The following MAPK8IP3 variants were observed in gnomAD, a reference collection of about 807,000 sequenced individuals.
The protein encoded by MAPK8IP3 is mitogen-activated protein kinase 8 interacting protein 3.
Under a neutral mutation model 157.8 loss-of-function variants are expected in MAPK8IP3, and 49 were observed. The observed-to-expected ratio is 0.31, with a 90% CI of 0.25 to 0.39. MAPK8IP3 has a LOEUF of 0.39. Among genes scored for constraint, MAPK8IP3 ranks in the 10% least tolerant of loss-of-function variants. The pLI is 1.00. For missense variants in MAPK8IP3, 1,478 were observed against 1,889.4 expected (o/e 0.78, Z 4.04); for synonymous variants, 897 against 777.7 (o/e 1.15, Z -2.55).
chr16:1,719,324 G>T (rs928896752), intron 1 of MAPK8IP3, among the ~76,000 whole-genome samples: 10 of 151,988 alleles, frequency 6.6e-5, no homozygotes, highest in African/African-American at 2.4e-4. Flanking sequence ...AAGGGACAGA[G>T]ACCTGGTGCT....
intron 1 of MAPK8IP3, among the ~76,000 whole-genome samples, chr16:1,723,767 T>TA (rs2038690964): frequency 6.6e-6 from 1 of 152,228 alleles, no homozygotes; most frequent in South Asian, 2.1e-4. Flanking sequence ...GAACTACACT[T>TA]ATGGCATCGA....
Position 1,747,116 on chromosome 16 carries a change from T to G in MAPK8IP3, c.835T>G (p.Ser279Ala). 6.2e-7 allele frequency: 1 copy of G among 1,613,800 alleles called. No individual in the cohort carries two copies. Among genetic ancestry groups the G allele is most frequent in the East Asian group, 2.2e-5 (1 of 44,860 alleles). Residue 279 changes from serine (S) to alanine (A), a missense_variant, in exon 6 of 32, where the codon TCC (serine) becomes GCC (alanine). By Grantham distance (99) the Ser-to-Ala change is moderately conservative. Transcript: ENST00000610761. Reference protein sequence around the residue: ...TTGTKSNTPTSSVPSAAVTPL... With the variant: ...TTGTKSNTPTASVPSAAVTPL... ...AGGCACCAAGTCCAACACGCCCACA[T>G]CCTCCGTGCCCTCGGCCGCCGTCAC...
intron 4 of MAPK8IP3, among the ~76,000 whole-genome samples, chr16:1,736,974 GTCCGTGTGAGCA>G (rs1230179939): frequency 1.3e-5 from 1 of 78,054 alleles, no homozygotes; most frequent in Non-Finnish European, 2.5e-5. Flanking sequence ...CCGTGTGACC[GTCCGTGTGAGCA>G]TCCGTGTGAG....
At chr16:1,746,750 T>G in intron 5 of MAPK8IP3, 1 of 477,378 alleles carries the variant, frequency 2.1e-6, no homozygotes, top group Admixed American at 3.6e-5. Flanking sequence ...AGCAATCGTC[T>G]GGGGAGGGCA....
At chr16:1,711,969 A>G (rs2037806807) in intron 1 of MAPK8IP3, among the ~76,000 whole-genome samples, 1 of 149,734 alleles carries the variant, frequency 6.7e-6, no homozygotes, top group Admixed American at 6.6e-5. Context: ...AAAAAAAAAG[A>G]AAACTGAGGT....
Position 1,768,598 on chromosome 16 carries a change from C to T in MAPK8IP3, c.3864C>T (p.Gly1288=), listed in dbSNP as rs777245414. The change falls in exon 31 of 32, where the codon GGC becomes GGT. Residue 1288 remains glycine (G), a synonymous_variant. Transcript: ENST00000610761. ...TGCGGAACGTGCTGGTGCTGAGCGGCGGGGAGGGCTACATCGACTTCCGCA... is the reference window on the plus strand; with the variant it reads ...TGCGGAACGTGCTGGTGCTGAGCGGTGGGGAGGGCTACATCGACTTCCGCA... ...QKLRNVLVLS[G]GEGYIDFRIG... 3.5e-5 allele frequency: 55 copies of T among 1,589,136 alleles called. No individual in the cohort carries two copies. Among genetic ancestry groups the T allele is most frequent in the East Asian group, 6.8e-5 (3 of 43,968 alleles).
chr16:1,731,080 C>T (rs995050063), intron 4 of MAPK8IP3, among the ~76,000 whole-genome samples: 7 of 152,104 alleles, frequency 4.6e-5, no homozygotes, highest in African/African-American at 1.7e-4. Flanking sequence ...GCGGAGACTG[C>T]AGTGAGCTGA....
chr16:1,729,188 C>T lies in MAPK8IP3; in HGVS notation c.490C>T (p.Leu164=). Residue 164 remains leucine, a synonymous_variant, in exon 3 of 32, where the codon CTG becomes TTG. Coordinates refer to ENST00000610761, the MANE Select transcript of MAPK8IP3 (RefSeq NM_001318852.2). The part of the protein sequence containing the change: ...ESEMKKEYNA[L]HQRHTEMIQT... ...GGAGATGAAGAAGGAGTACAATGCC[C>T]TGCACCAGCGGCACACAGAGGTGGG... is the stretch of plus-strand genomic sequence containing the variant. 1.2e-6 allele frequency: 2 copies of T among 1,614,018 alleles called. No individual in the cohort carries two copies. The highest frequency in any genetic ancestry group is 1.7e-6 in the Non-Finnish European group (2 of 1,180,028).
At chr16:1,732,885 C>T (rs1036554692) in intron 4 of MAPK8IP3, among the ~76,000 whole-genome samples, 5 of 152,128 alleles carry the variant, frequency 3.3e-5, no homozygotes, top group African/African-American at 1.2e-4. Context: ...CCTGGAGCAC[C>T]ATGAGAACTA....
intron 1 of MAPK8IP3, among the ~76,000 whole-genome samples, chr16:1,722,592 C>T (rs1448964835): frequency 6.6e-6 from 1 of 152,032 alleles, no homozygotes; most frequent in Admixed American, 6.6e-5. Context: ...AGGCTGGGTG[C>T]AGTCGCTCAG....
intron 19 of MAPK8IP3, among the ~76,000 whole-genome samples, chr16:1,764,661 C>A (rs74002444): frequency 6.6e-6 from 1 of 152,186 alleles, no homozygotes; most frequent in Non-Finnish European, 1.5e-5. Flanking sequence ...TTTCACCCCC[C>A]AGGTGGCCTG....
chr16:1,766,892 T>C lies in MAPK8IP3; in HGVS notation c.3021-12T>C. 1 of 1,606,154 alleles carries C rather than the reference T, an allele frequency of 6.2e-7. No homozygotes were observed. The highest frequency in any genetic ancestry group is 8.5e-7 in the Non-Finnish European group (1 of 1,175,524). On this transcript the variant is annotated splice_polypyrimidine_tract_variant and intron_variant, in intron 24 of 31. Coordinates refer to ENST00000610761, the MANE Select transcript of MAPK8IP3 (RefSeq NM_001318852.2). ...CCTGGCCCAAACCAGGCTCACCGCA[T>C]TCCTGTTTCAGGCATGTCAAAGGCC... is the stretch of plus-strand genomic sequence containing the variant.
chr16:1,764,876 C>T (rs2141943158), intron 19 of MAPK8IP3, 137 bp from the exon 20 acceptor site: 1 of 820,188 alleles, frequency 1.2e-6, no homozygotes, highest in East Asian at 2.7e-5. Context: ...TGTTCTGGTC[C>T]TGGGGGAGGA....
chr16:1,743,825 C>A lies in MAPK8IP3; in HGVS notation c.747+349C>A. On this transcript the variant is annotated intron_variant, in intron 5 of 31. Transcript: ENST00000610761. The surrounding 1 kb of genome is among the most constrained non-coding windows in gnomAD (Gnocchi z 5.6). The stretch of plus-strand genomic sequence containing the variant: ...CAAACCACACCCCCACATAAAGCCT[C>A]ATGCTCACCCGGGCTCCAGCCAGAC... The A allele has an allele frequency of 8.6e-7, 1 of 1,159,776 alleles. No homozygotes were observed. Among genetic ancestry groups the A allele is most frequent in the Non-Finnish European group, 1.1e-6 (1 of 938,168 alleles). 71.8% of individuals were successfully genotyped at this position (1,159,776 alleles called of 1,614,324 possible).
intron 1 of MAPK8IP3, among the ~76,000 whole-genome samples, chr16:1,722,153 TC>T (rs1458013842): frequency 2.0e-5 from 3 of 152,230 alleles, no homozygotes; most frequent in African/African-American, 7.2e-5. Context: ...TAATTCAAAA[TC>T]ACTTATTTTT....
In MAPK8IP3 at chr16:1,768,192, C is replaced by T. The variant is rs745898066; in HGVS notation, c.3563-7C>T. The T allele has an allele frequency of 3.7e-6, 6 of 1,611,888 alleles. No homozygotes were observed. The highest frequency in any genetic ancestry group is 5.1e-6 in the Non-Finnish European group (6 of 1,179,598). Reference sequence around the variant, plus strand: ...GGGCTCAGCGCCTCTGGGTTCTCTCCCTGCAGCCAATAAGACATCCCCCAC... The same window carrying T: ...GGGCTCAGCGCCTCTGGGTTCTCTCTCTGCAGCCAATAAGACATCCCCCAC... On this transcript the variant is annotated splice_region_variant and splice_polypyrimidine_tract_variant and intron_variant, in intron 29 of 31. Coordinates refer to ENST00000610761, the MANE Select transcript of MAPK8IP3 (RefSeq NM_001318852.2).
chr16:1,764,585 G>A lies in MAPK8IP3; in HGVS notation c.2280+126G>A, dbSNP rs2042148078. 6 of 1,321,774 alleles carry A rather than the reference G, an allele frequency of 4.5e-6. No homozygotes were observed. In the East Asian group the frequency reaches 1.5e-4, roughly 33 times the overall value. The allele number at this position is 1,321,774 out of a possible 1,614,324, so 81.9% of individuals were successfully genotyped here. ...GCACCCGGAAGCAGGGCAGCGCAGG[G>A]GCTCCTAGACTGCGGGAAGCAGTGT... On this transcript the variant is annotated intron_variant, in intron 19 of 31. Coordinates refer to ENST00000610761, the MANE Select transcript of MAPK8IP3 (RefSeq NM_001318852.2).
At chr16:1,748,124 C>A in intron 6 of MAPK8IP3, 120 bp from the exon 7 acceptor site, 1 of 715,714 alleles carries the variant, frequency 1.4e-6, no homozygotes, top group Non-Finnish European at 2.5e-6. Context: ...TTCTGATCAT[C>A]CCCACCTAGC....
rs376842981 is a variant in MAPK8IP3 at position 1,768,388 on chromosome 16, G to A, written c.3742+10G>A. On this transcript the variant is annotated intron_variant, in intron 30 of 31. Transcript: ENST00000610761. ...TTTGTCTCGGTGCCAGGTGAGGCTG[G>A]GCCCCTCCTGCCATCCACATCCCCT... 20 of 1,598,312 alleles carry A rather than the reference G, an allele frequency of 1.3e-5. No homozygotes were observed. The Admixed American group carries it at 3.3e-4, about 27-fold the overall frequency.
Sources: gnomAD v4.1 joint callset for allele counts (sites outside exome capture counted in the v4.1 genomes callset) on GRCh38, gnomAD v4.1.1 for gene constraint, Gnocchi (gnomAD v3.1) non-coding constraint, MANE v1.5 for transcripts, NCBI Gene and HGNC (gene_info 2026-07-23, HGNC 2026-07-21) for gene names.